Variants in WDPCP observed in about 807,000 individuals in gnomAD.
WDPCP encodes WD repeat containing planar cell polarity effector.
A neutral mutation model predicts 93.1 loss-of-function variants in WDPCP; 71 were observed. The ratio of observed to expected loss-of-function variants is 0.76; its 90% CI spans 0.63 to 0.93. The LOEUF (loss-of-function observed/expected upper bound fraction) is 0.93. WDPCP is among the 40% of genes least tolerant of loss of function. The pLI is 0.00. For synonymous variants in WDPCP, 315 were observed against 315.0 expected, an observed-to-expected ratio of 1.00 and a Z score of 0.00; for missense variants, 844 against 887.4, an observed-to-expected ratio of 0.95 and a Z score of 0.62.
At chr2:63,762,083 G>T (rs1670063276) in intron 2 of WDPCP, among the ~76,000 whole-genome samples, 1 of 152,248 alleles carries the variant, frequency 6.6e-6, no homozygotes, top group African/African-American at 2.4e-5. Flanking sequence ...GTTCAGGACA[G>T]GATTGAGATA....
At chr2:63,511,262 G>C (rs1437339756) in intron 1 of WDPCP, among the ~76,000 whole-genome samples, 1 of 152,062 alleles carries the variant, frequency 6.6e-6, no homozygotes, top group African/African-American at 2.4e-5. Flanking sequence ...CAAACAAATG[G>C]AAAAACATTC....
intron 3 of WDPCP, among the ~76,000 whole-genome samples, chr2:63,636,241 T>C (rs1709919558): frequency 6.6e-6 from 1 of 152,252 alleles, no homozygotes. Context: ...CCCATGTTCA[T>C]GGATTGGAAG....
chr2:63,330,867 CTTTT>C (rs70965119), intron 12 of WDPCP, among the ~76,000 whole-genome samples: 5 of 86,856 alleles, frequency 5.8e-5, no homozygotes, highest in Non-Finnish European at 6.6e-5. Context: ...TTCCCCAAGG[CTTTT>C]TTTTTTTTTT....
At chr2:63,386,828 CA>C (rs917117205) in intron 10 of WDPCP, among the ~76,000 whole-genome samples, 7 of 149,960 alleles carry the variant, frequency 4.7e-5, no homozygotes, top group East Asian at 1.9e-4. Flanking sequence ...CACAGAAATA[CA>C]AAAAAAAACC....
chr2:63,330,254 A>AT (rs1687879541), intron 12 of WDPCP, among the ~76,000 whole-genome samples: 1 of 152,082 alleles, frequency 6.6e-6, no homozygotes, highest in East Asian at 1.9e-4. Flanking sequence ...TTACCTTTTG[A>AT]CTTTTTGGTT....
chr2:63,332,517 A>G (rs949901024), intron 12 of WDPCP, among the ~76,000 whole-genome samples: 2 of 152,138 alleles, frequency 1.3e-5, no homozygotes, highest in African/African-American at 2.4e-5. Context: ...TGTGCTACCT[A>G]GACATCCATA....
intron 3 of WDPCP, chr2:63,597,211 A>T: frequency 1.1e-6 from 1 of 879,280 alleles, no homozygotes; most frequent in Non-Finnish European, 1.4e-6. Flanking sequence ...AAATAAATCT[A>T]TTGACATTTC....
intron 3 of WDPCP, among the ~76,000 whole-genome samples, chr2:63,629,911 C>T (rs761046717): frequency 1.3e-5 from 2 of 152,128 alleles, no homozygotes; most frequent in Non-Finnish European, 2.9e-5. Context: ...ACTTGTCACA[C>T]CATGAACTAA....
intron 14 of WDPCP, among the ~76,000 whole-genome samples, chr2:63,231,044 C>G (rs1559227685): frequency 2.0e-5 from 3 of 152,138 alleles, no homozygotes; most frequent in Non-Finnish European, 4.4e-5. Flanking sequence ...AAAAGCTTAT[C>G]CACCACGATC....
At chr2:63,127,154 G>C (rs1291428734) in intron 17 of WDPCP, among the ~76,000 whole-genome samples, 5 of 135,380 alleles carry the variant, frequency 3.7e-5, no homozygotes, top group Non-Finnish European at 4.6e-5. Flanking sequence ...ATGGAGTCTC[G>C]CTCTGTCACT....
chr2:63,443,833 T>C (rs557286386), intron 6 of WDPCP, among the ~76,000 whole-genome samples: 8 of 152,274 alleles, frequency 5.3e-5, no homozygotes, highest in African/African-American at 1.7e-4. Context: ...AAATTGAATG[T>C]GGCACATGAG....
chr2:63,702,898 TG>T (rs1296952554), intron 2 of WDPCP, among the ~76,000 whole-genome samples: 1 of 147,258 alleles, frequency 6.8e-6, no homozygotes, highest in Non-Finnish European at 1.5e-5. Flanking sequence ...CAGTCCCCAA[TG>T]TGTGATGTTC....
At chr2:63,553,658 G>A (rs1258030903) in intron 1 of WDPCP, among the ~76,000 whole-genome samples, 2 of 151,626 alleles carry the variant, frequency 1.3e-5, no homozygotes, top group Non-Finnish European at 2.9e-5. Context: ...TTTTTTCTTG[G>A]TAAGTAGAGC....
chr2:63,604,437 A>G (rs1709488513), intron 3 of WDPCP, among the ~76,000 whole-genome samples: 1 of 152,216 alleles, frequency 6.6e-6, no homozygotes, highest in Non-Finnish European at 1.5e-5. Flanking sequence ...TAATAAGTTA[A>G]CCACAAACTA....
chr2:63,126,179 C>T (rs957160261), intron 17 of WDPCP, among the ~76,000 whole-genome samples: 1 of 152,082 alleles, frequency 6.6e-6, no homozygotes, highest in Non-Finnish European at 1.5e-5. Context: ...AGTGATCCGC[C>T]TGCCTTGACC....
intron 1 of WDPCP, among the ~76,000 whole-genome samples, chr2:63,528,866 T>A (rs1383813448): frequency 1.3e-5 from 2 of 152,236 alleles, no homozygotes; most frequent in African/African-American, 4.8e-5. Flanking sequence ...TTCTTCCATT[T>A]GTTTGTGTCT....
chr2:63,233,958 GTAT>G (rs1192739580), intron 14 of WDPCP, among the ~76,000 whole-genome samples: 2 of 152,046 alleles, frequency 1.3e-5, no homozygotes, highest in Non-Finnish European at 2.9e-5. Context: ...ATTCAGCATA[GTAT>G]TATAAAAATT....
rs748023736 is a variant in WDPCP, at chr2:63,174,771, T to A, written c.1977A>T (p.Leu659Phe). 1 of 1,613,994 alleles carries A rather than the reference T, an allele frequency of 6.2e-7. No homozygotes were observed. Among genetic ancestry groups the A allele is most frequent in the Admixed American group, 1.7e-5 (1 of 60,010 alleles). The change falls in exon 15 of 18, where the codon TTA becomes TTT. Residue 659 changes from leucine to phenylalanine, a missense_variant. Transcript: ENST00000272321. ...MLNEAFIGLS[L>F]APQGEDSFPD... ...GAAATGAGTCTTCTCCTTGAGGTGCTAAAGACAGGCCAATAAATGCTTCAT... is the reference window on the plus strand; with the variant it reads ...GAAATGAGTCTTCTCCTTGAGGTGCAAAAGACAGGCCAATAAATGCTTCAT...
At chr2:63,582,307 T>C (rs1313191976) in intron 1 of WDPCP, among the ~76,000 whole-genome samples, 3 of 152,028 alleles carry the variant, frequency 2.0e-5, no homozygotes, top group Non-Finnish European at 4.4e-5. Context: ...ATATTAGACA[T>C]TGCAAAATAA....
Sources: gnomAD v4.1 joint callset for allele counts (sites outside exome capture counted in the v4.1 genomes callset) on GRCh38, gnomAD v4.1.1 for gene constraint, MANE v1.5 for transcripts, NCBI Gene and HGNC (gene_info 2026-07-23, HGNC 2026-07-21) for gene names.